PCF11: variants seen among roughly 807,000 people sequenced by gnomAD.
The protein encoded by PCF11 is PCF11 cleavage and polyadenylation factor subunit.
Under a neutral mutation model 166.1 loss-of-function variants are expected in PCF11, and 19 were observed. The ratio of observed to expected loss-of-function variants is 0.11; its 90% CI spans 0.08 to 0.17. The LOEUF is 0.17. Ranked by LOEUF, PCF11 falls within the 10% of genes least tolerant of loss-of-function variation. The pLI is 1.00. For synonymous variants in PCF11, 663 were observed against 644.1 expected (o/e 1.03, Z -0.44); for missense variants, 1,565 against 1,855.5 (o/e 0.84, Z 2.88).
At chr11:83,166,852 A>G (rs1321613254) in intron 5 of PCF11, 138 bp downstream of exon 5, 1 of 767,004 alleles carries the variant, frequency 1.3e-6, no homozygotes, top group Non-Finnish European at 2.1e-6. Flanking sequence ...TGTGGGTTAA[A>G]TACTATTATT....
intron 4 of PCF11, among the ~76,000 whole-genome samples, 197 bp downstream of exon 4, chr11:83,164,598 A>G (rs1565152161): frequency 1.3e-5 from 2 of 152,236 alleles, no homozygotes; most frequent in East Asian, 1.9e-4. Context: ...TAAAAACTGC[A>G]TAGGCCAGGC....
chr11:83,178,705 C>T (rs553901971), intron 11 of PCF11, among the ~76,000 whole-genome samples: 3,049 of 151,134 alleles, frequency 0.02, 99 homozygotes, highest in African/African-American at 0.07. Flanking sequence ...CCCAGCTACT[C>T]GGGAGGCTGA....
chr11:83,164,147 A>G, intron 3 of PCF11, 60 bp from the exon 4 acceptor site: 1 of 1,173,512 alleles, frequency 8.5e-7, no homozygotes, highest in South Asian at 1.5e-5. Context: ...GATAATTTTT[A>G]CTCCCTAGCT....
rs780761495 is a variant in PCF11 at position 83,163,885 on chromosome 11, T to C, written c.507+18T>C. On this transcript the variant is annotated intron_variant, in intron 3 of 15. Transcript: ENST00000298281. ...ATAAATCGGTAAGTTTTAATATGAA[T>C]AGTAAGTAACATACTTTTAAGTATC... The C allele has an allele frequency of 8.7e-7, 1 of 1,154,222 alleles. No individual in the cohort carries two copies. The highest frequency in any genetic ancestry group is 1.2e-6 in the Non-Finnish European group (1 of 821,752). The allele number at this position is 1,154,222 out of a possible 1,614,324, so 71.5% of individuals were successfully genotyped here.
intron 15 of PCF11, 103 bp from the exon 16 acceptor site, chr11:83,184,576 A>G (rs1861206001): frequency 5.4e-6 from 4 of 743,888 alleles, no homozygotes; most frequent in Non-Finnish European, 4.5e-6. Flanking sequence ...ATTTGGTTGT[A>G]TGTGTGTTCT....
chr11:83,167,007 C>G lies in PCF11; in HGVS notation c.1818-118C>G. On this transcript the variant is annotated intron_variant, in intron 5 of 15. Transcript: ENST00000298281. This position sits in a 1 kb window ranked among gnomAD's most constrained non-coding sequence, Gnocchi z 4.2. ...GTGCTCTTAATCATTTATTTAATTA[C>G]TTTTTGTGGTTACATATGCCCATTT... 1 of 789,128 alleles carries G rather than the reference C, an allele frequency of 1.3e-6. No homozygotes were observed. The highest frequency in any genetic ancestry group is 2.0e-5 in the South Asian group (1 of 51,116). The allele number at this position is 789,128 out of a possible 1,614,324, so 48.9% of individuals were successfully genotyped here.
chr11:83,166,758 T>C, intron 5 of PCF11, 44 bp downstream of exon 5: 4 of 1,481,832 alleles, frequency 2.7e-6, no homozygotes, highest in Non-Finnish European at 3.6e-6. Flanking sequence ...GTGTATATGT[T>C]TCAAAAGATA....
intron 8 of PCF11, 96 bp downstream of exon 8, chr11:83,170,091 A>G: frequency 9.3e-7 from 1 of 1,070,628 alleles, no homozygotes; most frequent in Non-Finnish European, 1.3e-6. Flanking sequence ...TATTGTGTAG[A>G]TTGGAAAGAA....
chr11:83,184,602 G>C (rs905760575), intron 15 of PCF11, 77 bp from the exon 16 acceptor site: 8 of 954,150 alleles, frequency 8.4e-6, no homozygotes, highest in Non-Finnish European at 1.3e-5. Flanking sequence ...TCATACAAGG[G>C]TCTTACAAGA....
chr11:83,161,316 T>C lies in PCF11; in HGVS notation c.193-11T>C. 6.3e-7 allele frequency: 1 copy of C among 1,586,994 alleles called. No individual in the cohort carries two copies. Among genetic ancestry groups the C allele is most frequent in the East Asian group, 2.2e-5 (1 of 44,478 alleles). On this transcript the variant is annotated splice_polypyrimidine_tract_variant and intron_variant, in intron 1 of 15. Transcript: ENST00000298281. ...TCATTATACTAAACTTCTCAGTTTCTTTTTATTCAGGCTCCTTCCTCAGAG... is the reference window on the plus strand; with the variant it reads ...TCATTATACTAAACTTCTCAGTTTCCTTTTATTCAGGCTCCTTCCTCAGAG...
intron 1 of PCF11, among the ~76,000 whole-genome samples, chr11:83,159,702 G>A (rs1054430957): frequency 2.6e-5 from 4 of 152,172 alleles, no homozygotes; most frequent in Non-Finnish European, 5.9e-5. Flanking sequence ...GGGATCGAGG[G>A]TGAGGGGAGG....
intron 1 of PCF11, among the ~76,000 whole-genome samples, chr11:83,160,259 G>A (rs1367333138): frequency 1.3e-5 from 2 of 149,656 alleles, no homozygotes; most frequent in African/African-American, 2.5e-5. Context: ...GCAGCTATGG[G>A]TAAGTGTTAC....
chr11:83,178,514 G>A (rs1010418241), intron 11 of PCF11, among the ~76,000 whole-genome samples: 87 of 151,700 alleles, frequency 5.7e-4, no homozygotes, highest in African/African-American at 1.8e-3. Context: ...AAAAAAAATC[G>A]GCTGGGCGCG....
intron 4 of PCF11, 83 bp downstream of exon 4, chr11:83,164,484 CAT>C (rs1860375330): frequency 2.3e-5 from 23 of 984,656 alleles, no homozygotes; most frequent in Middle Eastern, 2.1e-4. Context: ...ATTTTATTAA[CAT>C]GTTACTTTTA....
intron 15 of PCF11, among the ~76,000 whole-genome samples, chr11:83,183,422 C>CTATG (rs149745640): frequency 0.013 from 1,925 of 152,184 alleles, 36 homozygotes; most frequent in African/African-American, 0.043. Context: ...GTTTCTAGAG[C>CTATG]TATGGGTAGC....
chr11:83,164,836 T>C (rs1860389894), intron 4 of PCF11, among the ~76,000 whole-genome samples: 1 of 152,140 alleles, frequency 6.6e-6, no homozygotes, highest in South Asian at 2.1e-4. Flanking sequence ...GCACTCTAGC[T>C]TGAGTGACAG....
chr11:83,164,645 G>T (rs1860381848), intron 4 of PCF11, among the ~76,000 whole-genome samples: 1 of 152,026 alleles, frequency 6.6e-6, no homozygotes, highest in Non-Finnish European at 1.5e-5. Context: ...CACTTGGGAA[G>T]TCTGAGGTGG....
chr11:83,168,897 G>C, exon 8 of PCF11: 1 of 1,613,688 alleles, frequency 6.2e-7, no homozygotes, highest in Non-Finnish European at 8.5e-7. Context: ...CCCCTGGTCT[G>C]AGGTTTGAGG....
At chr11:83,166,855 C>A in intron 5 of PCF11, 141 bp downstream of exon 5, 1 of 751,644 alleles carries the variant, frequency 1.3e-6, no homozygotes, top group South Asian at 2.0e-5. Flanking sequence ...GGGTTAAATA[C>A]TATTATTATT....
Sources: allele counts gnomAD v4.1 joint callset (sites outside exome capture counted in the v4.1 genomes callset), GRCh38; gene constraint gnomAD v4.1.1; non-coding constraint Gnocchi (gnomAD v3.1); transcripts MANE v1.5; gene names NCBI Gene and HGNC (gene_info 2026-07-23, HGNC 2026-07-21).